FNDC7: variants seen among roughly 807,000 people sequenced by gnomAD.
FNDC7 encodes the protein fibronectin type III domain containing 7.
Under a neutral mutation model 74.2 loss-of-function variants are expected in FNDC7, and 66 were observed. The ratio of observed to expected loss-of-function variants is 0.89; its 90% CI spans 0.73 to 1.09. FNDC7 has a LOEUF of 1.09. Ranked by LOEUF, FNDC7 falls within the 50% of genes least tolerant of loss-of-function variation. The pLI, the probability that FNDC7 is intolerant of heterozygous loss-of-function variation, is 0.00. For missense variants in FNDC7, 829 were observed against 893.4 expected (o/e 0.93, Z 0.92); for synonymous variants, 307 against 330.2 (o/e 0.93, Z 0.76).
Position 108,728,835 on chromosome 1 carries a change from G to A in FNDC7, c.1573G>A (p.Glu525Lys), listed in dbSNP as rs769004072. 25 of 1,614,094 alleles carry A rather than the reference G, an allele frequency of 1.5e-5. No individual in the cohort carries two copies. Among genetic ancestry groups the A allele is most frequent in the East Asian group, 2.2e-5 (1 of 44,898 alleles). Residue 525 changes from glutamate (E) to lysine (K), a missense_variant, in exon 8 of 13, where the codon GAA (glutamate) becomes AAA (lysine). Coordinates refer to ENST00000370017, the MANE Select transcript of FNDC7 (RefSeq NM_001144937.3). ...AGTGTTCTCTGTCACTGCTGTGGCCGAAACACAGGCAGGACGGAGCCTGCC... is the reference window on the plus strand; with the variant it reads ...AGTGTTCTCTGTCACTGCTGTGGCCAAAACACAGGCAGGACGGAGCCTGCC... ...GSVFSVTAVAETQAGRSLPSY... is the reference protein window; with the variant it reads ...GSVFSVTAVAKTQAGRSLPSY...
At chr1:108,738,704 C>T (rs1027122674) in intron 11 of FNDC7, among the ~76,000 whole-genome samples, 1 of 152,142 alleles carries the variant, frequency 6.6e-6, no homozygotes, top group Non-Finnish European at 1.5e-5. Context: ...TCTCCACTCC[C>T]TGTTCTCTGC....
chr1:108,732,935 ATTTTTTT>A (rs370493264), intron 9 of FNDC7, among the ~76,000 whole-genome samples: 41 of 134,876 alleles, frequency 3.0e-4, no homozygotes, highest in Admixed American at 1.0e-3. Context: ...CAACTGGCTA[ATTTTTTT>A]TTTTTTTTTT....
At chr1:108,728,338 G>A (rs369357513) in intron 7 of FNDC7, among the ~76,000 whole-genome samples, 1 of 152,124 alleles carries the variant, frequency 6.6e-6, no homozygotes, top group African/African-American at 2.4e-5. Flanking sequence ...TATCTTTGAG[G>A]GGCCTGCCTG....
rs776883976 is a variant in FNDC7 at position 108,733,254 on chromosome 1, G to C, written c.1880-18G>C. ...GAATAAAACAAGTGATTTTGTGTTT[G>C]TTATTTTTATTGCCTAGGTGCCTGC... On this transcript the variant is annotated intron_variant, in intron 9 of 12. Transcript: ENST00000370017. The C allele has an allele frequency of 8.1e-6, 13 of 1,596,104 alleles. No individual in the cohort carries two copies. In the African/African-American group the frequency reaches 1.3e-4, roughly 17 times the overall value.
intron 9 of FNDC7, among the ~76,000 whole-genome samples, chr1:108,731,335 A>G (rs1448049630): frequency 6.6e-6 from 1 of 152,132 alleles, no homozygotes; most frequent in Non-Finnish European, 1.5e-5. Flanking sequence ...AGCTGCTTCA[A>G]TGGTTTCTTA....
intron 9 of FNDC7, among the ~76,000 whole-genome samples, chr1:108,731,601 G>A (rs1661357547): frequency 6.6e-6 from 1 of 152,228 alleles, no homozygotes; most frequent in Non-Finnish European, 1.5e-5. Context: ...GGATGGAAGA[G>A]TTGGAATATA....
chr1:108,728,973 C>T, intron 8 of FNDC7, 87 bp downstream of exon 8: 1 of 1,487,452 alleles, frequency 6.7e-7, no homozygotes, highest in South Asian at 1.3e-5. Flanking sequence ...TTTAATCTAC[C>T]CTCAGTGCAA....
rs779911950 is a variant in FNDC7, at chr1:108,722,421, T to C, written c.685T>C (p.Phe229Leu). 7.3e-5 allele frequency: 118 copies of C among 1,614,192 alleles called. No homozygotes were observed. In the South Asian group the frequency reaches 1.1e-3, roughly 15 times the overall value. The change falls in exon 5 of 13, where the codon TTC becomes CTC. Residue 229 changes from phenylalanine (F) to leucine (L), a missense_variant. Phe to Leu is a conservative substitution (Grantham distance 22). Transcript: ENST00000370017. ...SFSWARAEGA[F>L]NYTVMALSDS... ...TTCCTGGGCACGGGCAGAAGGAGCT[T>C]TCAATTATACTGTGATGGCTTTGAG...
At position 108,741,704 on chromosome 1, in the gene FNDC7, G is replaced by T. The variant is rs909815009; in HGVS notation, c.2171-69G>T. 5 of 1,504,312 alleles carry T rather than the reference G, an allele frequency of 3.3e-6. No homozygotes were observed. The East Asian group carries it at 1.1e-4, about 34-fold the overall frequency. The allele number at this position is 1,504,312 out of a possible 1,614,324, so 93.2% of individuals were successfully genotyped here. A position where few individuals can be genotyped will look rare whatever the true frequency, so the allele number is the denominator to read the frequency against. ...ACATACACATAAAATCTCAGACACT[G>T]GTGCTTTTTAAGAAAATGTCTGCAT... On this transcript the variant is annotated intron_variant, in intron 11 of 12. Coordinates refer to ENST00000370017, the MANE Select transcript of FNDC7 (RefSeq NM_001144937.3).
chr1:108,735,343 TA>T (rs1224808001), intron 10 of FNDC7, among the ~76,000 whole-genome samples: 3 of 152,204 alleles, frequency 2.0e-5, no homozygotes, highest in Non-Finnish European at 4.4e-5. Flanking sequence ...CTACCAGAGT[TA>T]TCATTCCAGG....
At position 108,712,921 on chromosome 1, in the gene FNDC7, T is replaced by G. The variant is rs370927917; in HGVS notation, c.-13T>G. On this transcript the variant is annotated 5_prime_UTR_variant, in exon 1 of 13. Transcript: ENST00000370017. ...GCTTTGTTTTGTGCCATGTGAGTACTATGTCCAACAGGATGGCTGGTGGAC... is the reference window on the plus strand; with the variant it reads ...GCTTTGTTTTGTGCCATGTGAGTACGATGTCCAACAGGATGGCTGGTGGAC... 1.3e-6 allele frequency: 2 copies of G among 1,551,280 alleles called. No homozygotes were observed. Among genetic ancestry groups the G allele is most frequent in the Non-Finnish European group, 1.7e-6 (2 of 1,146,692 alleles).
rs566291722 is a variant in FNDC7 at position 108,723,650 on chromosome 1, G to A, written c.856+1058G>A. On this transcript the variant is annotated intron_variant, in intron 5 of 12. Transcript: ENST00000370017. ...GCGATTATGAGGACAAGATAGCTAA[G>A]AGTGGGAGAAGAGAGAAAAAATACT... 8.5e-5 allele frequency among the ~76,000 whole-genome samples: 13 copies of A among 152,350 alleles called. No homozygotes were observed. The South Asian group carries it at 2.5e-3, about 29-fold the overall frequency.
rs765282522 is a variant in FNDC7 at position 108,730,749 on chromosome 1, G to A, written c.1700G>A (p.Arg567Lys). Residue 567 changes from arginine to lysine, a missense_variant, in exon 9 of 13, where the codon AGA (arginine) becomes AAA (lysine). Physicochemically the swap from Arg to Lys is conservative, Grantham distance 26. Coordinates refer to ENST00000370017, the MANE Select transcript of FNDC7 (RefSeq NM_001144937.3). ...ATCAACGTGAGCTGGACTATTGGGA[G>A]AGTGGCTCAAACCCATGTTGCAGTT... ...SVINVSWTIGRVAQTHVAVLE... is the reference protein window; with the variant it reads ...SVINVSWTIGKVAQTHVAVLE... 6.2e-7 allele frequency: 1 copy of A among 1,613,716 alleles called. No individual in the cohort carries two copies. Among genetic ancestry groups the A allele is most frequent in the South Asian group, 1.1e-5 (1 of 91,002 alleles).
At chr1:108,719,138 T>C in intron 4 of FNDC7, 89 bp downstream of exon 4, 1 of 1,434,672 alleles carries the variant, frequency 7.0e-7, no homozygotes, top group Non-Finnish European at 9.5e-7. Flanking sequence ...CAGTGTTACA[T>C]GACAAGTACA....
In FNDC7 at chr1:108,717,852, C is replaced by T. The variant is rs986939168; in HGVS notation, c.158C>T (p.Pro53Leu). Residue 53 changes from proline to leucine, a missense_variant, in exon 3 of 13, where the codon CCG becomes CTG. Transcript: ENST00000370017. The stretch of plus-strand genomic sequence containing the variant: ...ATCACTGTAGAATGGGCTACAGTGC[C>T]GGGTGCCACCAGTTACCTCCTCACG... ...NSITVEWATV[P>L]GATSYLLTAE... 12 of 1,551,568 alleles carry T rather than the reference C, an allele frequency of 7.7e-6. No homozygotes were observed. The highest frequency in any genetic ancestry group is 3.9e-5 in the Admixed American group (2 of 50,986).
At chr1:108,734,653 C>T (rs1661469831) in intron 10 of FNDC7, 1 of 152,166 alleles carries the variant, frequency 6.6e-6, no homozygotes, top group Non-Finnish European at 1.5e-5. Flanking sequence ...TTCTCATTGT[C>T]CCTGGCTGTC....
chr1:108,728,348 G>A (rs900688475), intron 7 of FNDC7, among the ~76,000 whole-genome samples: 3 of 152,172 alleles, frequency 2.0e-5, no homozygotes, highest in South Asian at 4.1e-4. Flanking sequence ...GGGCCTGCCT[G>A]TACTCACACC....
chr1:108,723,492 A>G (rs541563538), intron 5 of FNDC7, among the ~76,000 whole-genome samples: 1 of 113,696 alleles, frequency 8.8e-6, no homozygotes, highest in Non-Finnish European at 1.8e-5. Context: ...ATTCCACAGG[A>G]AAAAAAAAAT....
At chr1:108,729,978 TAC>T (rs779685836) in intron 8 of FNDC7, among the ~76,000 whole-genome samples, 4 of 152,236 alleles carry the variant, frequency 2.6e-5, no homozygotes, top group Admixed American at 1.3e-4. Context: ...ATCAGTGATG[TAC>T]TATGAAATTT....
Sources: allele counts gnomAD v4.1 joint callset (sites outside exome capture counted in the v4.1 genomes callset), GRCh38; gene constraint gnomAD v4.1.1; transcripts MANE v1.5; gene names NCBI Gene and HGNC (gene_info 2026-07-23, HGNC 2026-07-21).